Variants in HS6ST3 observed in about 807,000 individuals in gnomAD.
HS6ST3 encodes heparan-sulfate 6-O-sulfotransferase 3.
A neutral mutation model predicts 36.7 loss-of-function variants in HS6ST3; 12 were observed. The observed-to-expected ratio is 0.33, with a 90% CI of 0.21 to 0.53. The LOEUF (loss-of-function observed/expected upper bound fraction) is 0.53, where lower values mean the gene tolerates loss of function less well. Among genes scored for constraint, HS6ST3 ranks in the 20% least tolerant of loss-of-function variants. The pLI is 0.95. For missense variants in HS6ST3, 584 were observed against 640.9 expected, an observed-to-expected ratio of 0.91 and a Z score of 0.96; for synonymous variants, 240 against 257.5, an observed-to-expected ratio of 0.93 and a Z score of 0.65.
intron 1 of HS6ST3, among the ~76,000 whole-genome samples, chr13:96,624,630 T>C (rs2056505993): frequency 6.6e-6 from 1 of 152,126 alleles, no homozygotes; most frequent in South Asian, 2.1e-4. Context: ...CACCATTGTG[T>C]ACTGTTCCAT....
At chr13:96,382,891 C>T (rs942240441) in intron 1 of HS6ST3, among the ~76,000 whole-genome samples, 2 of 152,146 alleles carry the variant, frequency 1.3e-5, no homozygotes, top group Non-Finnish European at 2.9e-5. Context: ...TTGCTACATT[C>T]TATTAATAGC....
intron 1 of HS6ST3, among the ~76,000 whole-genome samples, chr13:96,459,134 A>G (rs5006734): frequency 0.82 from 115,758 of 140,670 alleles, 49,317 homozygotes; most frequent in Non-Finnish European, 0.95. Flanking sequence ...AAGAGGTGAC[A>G]TGAAAAGCAG....
chr13:96,209,113 G>T (rs985374761), intron 1 of HS6ST3, among the ~76,000 whole-genome samples: 10 of 152,324 alleles, frequency 6.6e-5, no homozygotes, highest in African/African-American at 2.2e-4. Context: ...ATGCGGATTT[G>T]ACTAGTAGGA....
At chr13:96,267,937 A>G (rs1393596776) in intron 1 of HS6ST3, among the ~76,000 whole-genome samples, 4 of 151,774 alleles carry the variant, frequency 2.6e-5, no homozygotes, top group African/African-American at 7.3e-5. Context: ...TCTTCTCATG[A>G]CTTGTAGGCA....
chr13:96,716,094 C>A (rs544945691), intron 1 of HS6ST3, among the ~76,000 whole-genome samples: 1 of 152,076 alleles, frequency 6.6e-6, no homozygotes, highest in South Asian at 2.1e-4. Context: ...ATTCAAGCAG[C>A]AAATTATAGT....
rs570476423 is a variant in HS6ST3, at chr13:96,684,382, A to G, written c.708-148108A>G. 7.0e-4 allele frequency among the ~76,000 whole-genome samples: 107 copies of G among 152,162 alleles called. 2 individuals carry two copies. The South Asian group carries it at 0.021, about 30-fold the overall frequency. The stretch of plus-strand genomic sequence containing the variant: ...GAACAACTTTAAATAGCTAACTTAA[A>G]CATTAGTGTTAATATTTGACACCAT... On this transcript the variant is annotated intron_variant, in intron 1 of 1. Transcript: ENST00000376705.
Position 96,699,474 on chromosome 13 carries a change from C to T in HS6ST3, c.708-133016C>T, listed in dbSNP as rs572523674. ...CACTTCTCAAAAGAAGACATTTATG[C>T]AGCCAACGGACACATGAAAAAATGC... is the stretch of plus-strand genomic sequence containing the variant. On this transcript the variant is annotated intron_variant, in intron 1 of 1. Transcript: ENST00000376705. 3.9e-5 allele frequency among the ~76,000 whole-genome samples: 6 copies of T among 152,318 alleles called. No individual in the cohort carries two copies. In the East Asian group the frequency reaches 1.2e-3, roughly 29 times the overall value.
chr13:96,305,332 A>G (rs761692307), intron 1 of HS6ST3, among the ~76,000 whole-genome samples: 7 of 152,184 alleles, frequency 4.6e-5, no homozygotes, highest in Non-Finnish European at 7.4e-5. Context: ...GAATATTTTA[A>G]TCTTTATATT....
chr13:96,632,582 C>T (rs1030668017), intron 1 of HS6ST3, among the ~76,000 whole-genome samples: 5 of 152,084 alleles, frequency 3.3e-5, no homozygotes, highest in Non-Finnish European at 2.9e-5. Flanking sequence ...CTTGGATACA[C>T]GGAGAATTTA....
At chr13:96,582,911 A>G (rs929082424) in intron 1 of HS6ST3, among the ~76,000 whole-genome samples, 1 of 152,160 alleles carries the variant, frequency 6.6e-6, no homozygotes, top group African/African-American at 2.4e-5. Context: ...TTGTATAAGT[A>G]TGTTCCAAAT....
At chr13:96,626,702 T>C (rs1360963031) in intron 1 of HS6ST3, among the ~76,000 whole-genome samples, 1 of 152,154 alleles carries the variant, frequency 6.6e-6, no homozygotes, top group Non-Finnish European at 1.5e-5. Flanking sequence ...GAACTTGACA[T>C]TTCTATCAAA....
At chr13:96,160,762 A>G (rs1188968622) in intron 1 of HS6ST3, among the ~76,000 whole-genome samples, 3 of 152,194 alleles carry the variant, frequency 2.0e-5, no homozygotes, top group Non-Finnish European at 4.4e-5. Context: ...TTCTGCTCCC[A>G]GAGGGTGTAC....
intron 1 of HS6ST3, among the ~76,000 whole-genome samples, chr13:96,737,590 AGT>A: frequency 7.4e-6 from 1 of 134,576 alleles, no homozygotes; most frequent in South Asian, 2.5e-4. Flanking sequence ...GCGCCACTGC[AGT>A]CCGCAGTCCG....
At chr13:96,139,043 G>A (rs1011790861) in intron 1 of HS6ST3, among the ~76,000 whole-genome samples, 4 of 152,000 alleles carry the variant, frequency 2.6e-5, no homozygotes, top group Non-Finnish European at 4.4e-5. Context: ...TGAATTAGGC[G>A]ATCTAAGTAT....
chr13:96,340,930 CA>C (rs1308455986), intron 1 of HS6ST3, among the ~76,000 whole-genome samples: 1 of 151,984 alleles, frequency 6.6e-6, no homozygotes, highest in Admixed American at 6.6e-5. Context: ...ACTAAACTAA[CA>C]AAAAAAGTCA....
At chr13:96,512,191 G>T (rs1344683641) in intron 1 of HS6ST3, among the ~76,000 whole-genome samples, 1 of 152,128 alleles carries the variant, frequency 6.6e-6, no homozygotes, top group East Asian at 1.9e-4. Context: ...CCACTCTCCA[G>T]TCTGGTGCTG....
chr13:96,833,082 C>T lies in HS6ST3; in HGVS notation c.1300C>T (p.Arg434Trp), dbSNP rs200597659. ...AGAGCACCAGAGGGACCGCCAGAAG[C>T]GGCGGGAGGAGCGGAGGCTGCAGCG... is the stretch of plus-strand genomic sequence containing the variant. The part of the protein sequence containing the change: ...QLEHQRDRQK[R>W]REERRLQREH... Residue 434 changes from arginine (R) to tryptophan (W), a missense_variant, in exon 2 of 2, where the codon CGG becomes TGG. Transcript: ENST00000376705. 2.5e-5 allele frequency: 40 copies of T among 1,611,160 alleles called. No homozygotes were observed. The highest frequency in any genetic ancestry group is 3.3e-5 in the Admixed American group (2 of 60,018).
intron 1 of HS6ST3, among the ~76,000 whole-genome samples, chr13:96,286,951 CGT>C (rs144351767): frequency 2.0e-5 from 3 of 151,248 alleles, no homozygotes; most frequent in Non-Finnish European, 3.0e-5. Flanking sequence ...AGTGTGTGTG[CGT>C]GTGTGTGTGT....
At chr13:96,153,484 A>G (rs1485954933) in intron 1 of HS6ST3, among the ~76,000 whole-genome samples, 2 of 152,010 alleles carry the variant, frequency 1.3e-5, no homozygotes, top group Admixed American at 1.3e-4. Context: ...TCTTTTATTT[A>G]TCCTGCCCCA....
Sources: allele counts gnomAD v4.1 joint callset (sites outside exome capture counted in the v4.1 genomes callset), GRCh38; gene constraint gnomAD v4.1.1; transcripts MANE v1.5; gene names NCBI Gene and HGNC (gene_info 2026-07-23, HGNC 2026-07-21).